DCUN1D5: variants seen among roughly 807,000 people sequenced by gnomAD.
DCUN1D5 encodes DCN1-like protein 5.
A neutral mutation model predicts 38.3 loss-of-function variants in DCUN1D5; 10 were observed. The ratio of observed to expected loss-of-function variants is 0.26; its 90% CI spans 0.16 to 0.44. The LOEUF (loss-of-function observed/expected upper bound fraction) is 0.44. DCUN1D5 is among the 20% of genes least tolerant of loss of function. DCUN1D5 has a pLI of 1.00. For synonymous variants in DCUN1D5, 93 were observed against 90.9 expected, an observed-to-expected ratio of 1.02 and a Z score of -0.13; for missense variants, 148 against 275.3, an observed-to-expected ratio of 0.54 and a Z score of 3.27.
chr11:103,052,843 T>G lies in DCUN1D5; in HGVS notation c.*9516A>C, dbSNP rs536716672. 7.9e-5 allele frequency: 12 copies of G among 152,310 alleles called. No homozygotes were observed. The East Asian group carries it at 2.3e-3, about 30-fold the overall frequency. The allele number at this position is 152,310 out of a possible 1,614,324, so 9.4% of individuals were successfully genotyped here. ...CTAAATAGAAATTCAGTTTTCTCAC[T>G]CTATTACTTTGTTCACATGTTTGAT... On this transcript the variant is annotated 3_prime_UTR_variant, in exon 8 of 8. Coordinates refer to ENST00000260247, the MANE Select transcript of DCUN1D5 (RefSeq NM_032299.4).
chr11:103,073,763 CATCAAAAGTACA>C lies in DCUN1D5; in HGVS notation c.342-7208_342-7197del, dbSNP rs1215287123. On this transcript the variant is annotated intron_variant, in intron 4 of 7. Coordinates refer to ENST00000260247, the MANE Select transcript of DCUN1D5 (RefSeq NM_032299.4). This position sits in a 1 kb window ranked among gnomAD's most constrained non-coding sequence, Gnocchi z 4.2. ...CTAGGCAAATAATTCTTAGACTTGA[CATCAAAAGTACA>C]ATCAAAAGTACATCAAAACTGAGGC... Among the ~76,000 whole-genome samples the C allele has an allele frequency of 1.3e-5, 2 of 152,042 alleles. No individual in the cohort carries two copies. The highest frequency in any genetic ancestry group is 2.4e-5 in the African/African-American group (1 of 41,388).
chr11:103,057,714 T>C lies in DCUN1D5; in HGVS notation c.*4645A>G, dbSNP rs536688053. Among the ~76,000 whole-genome samples, 205 of 151,316 alleles carry C rather than the reference T, an allele frequency of 1.4e-3. No individual in the cohort carries two copies. The highest frequency in any genetic ancestry group is 4.9e-3 in the African/African-American group (201 of 41,208). On this transcript the variant is annotated 3_prime_UTR_variant, in exon 8 of 8. Transcript: ENST00000260247. This position sits in a 1 kb window ranked among gnomAD's most constrained non-coding sequence, Gnocchi z 4.8. ...CATCCTGGGTGACAGAGTAAGACCC[T>C]GTCTCCAAAAAAAAAAAGGGAAAAG...
intron 4 of DCUN1D5, among the ~76,000 whole-genome samples, chr11:103,076,354 C>T (rs975008773): frequency 6.6e-6 from 1 of 152,118 alleles, no homozygotes; most frequent in Non-Finnish European, 1.5e-5. Flanking sequence ...CAAACAAAAT[C>T]ACAAAGCACA....
In DCUN1D5 at chr11:103,079,996, G is replaced by A. The variant is rs781050689; in HGVS notation, c.341+2752C>T. On this transcript the variant is annotated intron_variant, in intron 4 of 7. Coordinates refer to ENST00000260247, the MANE Select transcript of DCUN1D5 (RefSeq NM_032299.4). ...AGGAAAGCCAATTCAGTTATAGAAA[G>A]CCTATATGAATAGAAAACAAACGAA... 2.6e-5 allele frequency: 4 copies of A among 152,096 alleles called. No homozygotes were observed. The East Asian group carries it at 5.8e-4, about 22-fold the overall frequency. 9.4% of individuals were successfully genotyped at this position (152,096 alleles called of 1,614,324 possible).
At chr11:103,067,027 A>G (rs1228627190) in intron 4 of DCUN1D5, among the ~76,000 whole-genome samples, 3 of 152,178 alleles carry the variant, frequency 2.0e-5, no homozygotes, top group African/African-American at 7.2e-5. Flanking sequence ...TTAGGATATA[A>G]CACAGTGCAA....
rs1482324937 is a variant in DCUN1D5 at position 103,062,348 on chromosome 11, C to T, written c.*11G>A. ...AATTGAAAGGTTTGCATTTTCTTCA[C>T]ATAGTTCTTGCTATGATGTCTGACG... is the stretch of plus-strand genomic sequence containing the variant. On this transcript the variant is annotated 3_prime_UTR_variant, in exon 8 of 8. Transcript: ENST00000260247. This position sits in a 1 kb window ranked among gnomAD's most constrained non-coding sequence, Gnocchi z 4.6. 2.5e-6 allele frequency: 4 copies of T among 1,613,306 alleles called. No individual in the cohort carries two copies. The highest frequency in any genetic ancestry group is 2.2e-5 in the East Asian group (1 of 44,844).
In DCUN1D5 at chr11:103,073,788, TC is replaced by T. The variant is rs1232042159; in HGVS notation, c.342-7222del. Among the ~76,000 whole-genome samples the T allele has an allele frequency of 6.6e-6, 1 of 152,086 alleles. No homozygotes were observed. The highest frequency in any genetic ancestry group is 1.5e-5 in the Non-Finnish European group (1 of 68,008). On this transcript the variant is annotated intron_variant, in intron 4 of 7. Coordinates refer to ENST00000260247, the MANE Select transcript of DCUN1D5 (RefSeq NM_032299.4). The surrounding 1 kb of genome is among the most constrained non-coding windows in gnomAD (Gnocchi z 4.2). Reference sequence around the variant, plus strand: ...CATCAAAAGTACAATCAAAAGTACATCAAAACTGAGGCGGGGGCTCATGTCT... The same window carrying T: ...CATCAAAAGTACAATCAAAAGTACATAAAACTGAGGCGGGGGCTCATGTCT...
At position 103,066,227 on chromosome 11, in the gene DCUN1D5, G is replaced by A. The variant is rs1862131370; in HGVS notation, c.555+42C>T. On this transcript the variant is annotated intron_variant, in intron 6 of 7. Transcript: ENST00000260247. The surrounding 1 kb of genome is among the most constrained non-coding windows in gnomAD (Gnocchi z 4.7). The stretch of plus-strand genomic sequence containing the variant: ...CTCAAAAGTATAACTTTCAGATTAA[G>A]TTTTAAAATAATATTTTCAAAATTC... The A allele has an allele frequency of 7.8e-7, 1 of 1,274,580 alleles. No homozygotes were observed. The highest frequency in any genetic ancestry group is 2.4e-5 in the East Asian group (1 of 41,014). 79.0% of individuals were successfully genotyped at this position (1,274,580 alleles called of 1,614,324 possible).
At position 103,062,213 on chromosome 11, in the gene DCUN1D5, C is replaced by T; in HGVS notation, c.*146G>A. On this transcript the variant is annotated 3_prime_UTR_variant, in exon 8 of 8. Coordinates refer to ENST00000260247, the MANE Select transcript of DCUN1D5 (RefSeq NM_032299.4). This position sits in a 1 kb window ranked among gnomAD's most constrained non-coding sequence, Gnocchi z 4.6. ...TGCCCATCACATGTAACAAGAAAAA[C>T]CTCCTTTAAAAAAAGGAAAAAAAAG... is the stretch of plus-strand genomic sequence containing the variant. 1.4e-6 allele frequency: 1 copy of T among 709,804 alleles called. No homozygotes were observed. The highest frequency in any genetic ancestry group is 2.4e-6 in the Non-Finnish European group (1 of 422,580). 44.0% of individuals were successfully genotyped at this position (709,804 alleles called of 1,614,324 possible). A position where few individuals can be genotyped will look rare whatever the true frequency, so the allele number is the denominator to read the frequency against.
At chr11:103,089,031 C>T (rs1221221825) in intron 2 of DCUN1D5, among the ~76,000 whole-genome samples, 196 bp downstream of exon 2, 2 of 151,862 alleles carry the variant, frequency 1.3e-5, no homozygotes, top group African/African-American at 2.4e-5. Context: ...AAATATATAC[C>T]GAATATATAT....
rs1188556190 is a variant in DCUN1D5, at chr11:103,078,004, C to G, written c.341+4744G>C. Among the ~76,000 whole-genome samples, 2 of 151,984 alleles carry G rather than the reference C, an allele frequency of 1.3e-5. No homozygotes were observed. Among genetic ancestry groups the G allele is most frequent in the African/African-American group, 4.8e-5 (2 of 41,382 alleles). The stretch of plus-strand genomic sequence containing the variant: ...CATTTCATTTACTCTCCTCTTCCAC[C>G]CCCACCAAAAAAAAAAATCATATAA... On this transcript the variant is annotated intron_variant, in intron 4 of 7. Coordinates refer to ENST00000260247, the MANE Select transcript of DCUN1D5 (RefSeq NM_032299.4). This position sits in a 1 kb window ranked among gnomAD's most constrained non-coding sequence, Gnocchi z 4.6.
intron 4 of DCUN1D5, among the ~76,000 whole-genome samples, chr11:103,079,746 G>C (rs1862507300): frequency 6.7e-6 from 1 of 150,126 alleles, no homozygotes; most frequent in South Asian, 2.1e-4. Flanking sequence ...TTGTGTCACT[G>C]CTCTCCAGTC....
chr11:103,081,760 C>T (rs1862569408), intron 4 of DCUN1D5, among the ~76,000 whole-genome samples: 3 of 151,730 alleles, frequency 2.0e-5, no homozygotes, highest in Admixed American at 2.0e-4. Flanking sequence ...GGCTTTTACC[C>T]AAAAATAAAT....
At chr11:103,084,590 G>A (rs1862650979) in intron 2 of DCUN1D5, among the ~76,000 whole-genome samples, 1 of 152,172 alleles carries the variant, frequency 6.6e-6, no homozygotes, top group South Asian at 2.1e-4. Flanking sequence ...ATGAGAATGT[G>A]TTAATTTTAT....
chr11:103,081,369 ATATT>A (rs1345686664), intron 4 of DCUN1D5, among the ~76,000 whole-genome samples: 1 of 152,224 alleles, frequency 6.6e-6, no homozygotes, highest in Non-Finnish European at 1.5e-5. Context: ...ATTCTTTTGT[ATATT>A]TATTTAATCT....
In DCUN1D5 at chr11:103,061,597, CAAAA is replaced by C. The variant is rs141012503; in HGVS notation, c.*758_*761del. Among the ~76,000 whole-genome samples the C allele has an allele frequency of 1.3e-4, 12 of 95,512 alleles. No individual in the cohort carries two copies. Among genetic ancestry groups the C allele is most frequent in the Non-Finnish European group, 1.4e-4 (6 of 43,378 alleles). 62.7% of individuals were successfully genotyped at this position (95,512 alleles called of 152,430 possible). A position where few individuals can be genotyped will look rare whatever the true frequency, so the allele number is the denominator to read the frequency against. ...TATCACAGCTAACGTTCTCTTAAGGCAAAAAAAAAAAAAAAAAGTGCTTTAAACA... is the reference window on the plus strand; with the variant it reads ...TATCACAGCTAACGTTCTCTTAAGGCAAAAAAAAAAAAAGTGCTTTAAACA... On this transcript the variant is annotated 3_prime_UTR_variant, in exon 8 of 8. Transcript: ENST00000260247.
intron 1 of DCUN1D5, among the ~76,000 whole-genome samples, chr11:103,090,620 A>C (rs1490086986): frequency 6.6e-6 from 1 of 152,208 alleles, no homozygotes; most frequent in Non-Finnish European, 1.5e-5. Context: ...TTTTTTAAAA[A>C]AGCATTTCTC....
rs1459295849 is a variant in DCUN1D5, at chr11:103,065,245, T to C, written c.556-868A>G. 2.0e-5 allele frequency among the ~76,000 whole-genome samples: 3 copies of C among 151,722 alleles called. No homozygotes were observed. The highest frequency in any genetic ancestry group is 1.9e-4 in the East Asian group (1 of 5,132). ...CAGCTTACTGCAACCTCCACCTCCC[T>C]GGTTCAAGCAATTCTCGTGCCTCAG... On this transcript the variant is annotated intron_variant, in intron 6 of 7. Transcript: ENST00000260247. This position sits in a 1 kb window ranked among gnomAD's most constrained non-coding sequence, Gnocchi z 4.6.
intron 4 of DCUN1D5, among the ~76,000 whole-genome samples, chr11:103,079,395 C>T (rs1350763587): frequency 3.9e-5 from 6 of 152,122 alleles, no homozygotes; most frequent in African/African-American, 1.2e-4. Context: ...GATACTGTGC[C>T]TTACATAATA....
Sources: allele counts gnomAD v4.1 joint callset (sites outside exome capture counted in the v4.1 genomes callset), GRCh38; gene constraint gnomAD v4.1.1; non-coding constraint Gnocchi (gnomAD v3.1); transcripts MANE v1.5; gene names NCBI Gene and HGNC (gene_info 2026-07-23, HGNC 2026-07-21).